Variants in LRP2 observed in about 807,000 individuals in gnomAD.
LRP2 encodes the protein LDL receptor related protein 2.
In LRP2, 172 loss-of-function variants were observed where a neutral mutation model predicts 531.0. That is an observed-to-expected ratio of 0.32 (90% CI 0.29 to 0.37). The LOEUF (loss-of-function observed/expected upper bound fraction) is 0.37. Ranked by LOEUF, LRP2 falls within the 10% of genes least tolerant of loss-of-function variation. The pLI is 1.00. For missense variants in LRP2, 5,167 were observed against 5,868.3 expected (o/e 0.88, Z 3.90); for synonymous variants, 1,992 against 2,027.6 (o/e 0.98, Z 0.47).
intron 35 of LRP2, among the ~76,000 whole-genome samples, chr2:169,214,328 G>T (rs1418464825): frequency 1.3e-5 from 2 of 152,166 alleles, no homozygotes; most frequent in Admixed American, 1.3e-4. Flanking sequence ...GCCAAAAATG[G>T]TGCCATTAAA....
In LRP2 at chr2:169,128,623, A is replaced by C; in HGVS notation, c.*40T>G. The C allele has an allele frequency of 6.3e-7, 1 of 1,585,576 alleles. No individual in the cohort carries two copies. Among genetic ancestry groups the C allele is most frequent in the Non-Finnish European group, 8.7e-7 (1 of 1,154,082 alleles). ...ATCTGTTTGTAAAAAATATATGTGC[A>C]AAAGTGTGTTTCTAATTATTCCCTA... On this transcript the variant is annotated 3_prime_UTR_variant, in exon 79 of 79. Transcript: ENST00000649046.
chr2:169,341,290 G>A (rs1032852743), intron 1 of LRP2, among the ~76,000 whole-genome samples: 5 of 151,992 alleles, frequency 3.3e-5, no homozygotes, highest in Admixed American at 6.6e-5. Flanking sequence ...GATCATACGT[G>A]AGGCAGATTC....
chr2:169,145,300 A>G (rs1357992288), intron 70 of LRP2, among the ~76,000 whole-genome samples: 1 of 152,238 alleles, frequency 6.6e-6, no homozygotes, highest in Non-Finnish European at 1.5e-5. Context: ...AGGAATGCAC[A>G]TGACTGGCCA....
chr2:169,185,601 T>G lies in LRP2; in HGVS notation c.9747A>C (p.Gln3249His). The G allele has an allele frequency of 6.2e-7, 1 of 1,614,182 alleles. No individual in the cohort carries two copies. Among genetic ancestry groups the G allele is most frequent in the Non-Finnish European group, 8.5e-7 (1 of 1,180,010 alleles). The change falls in exon 50 of 79, where the codon CAA (glutamine) becomes CAC (histidine). Residue 3249 changes from glutamine (Q) to histidine (H), a missense_variant. By Grantham distance (24) the Gln-to-His change is conservative. Coordinates refer to ENST00000649046, the MANE Select transcript of LRP2 (RefSeq NM_004525.3). ...TATTCAGAAACATTCTCTCAATGAC[T>G]TGCCTCTGTGTATCAATCCAATACA... Reference protein sequence around the residue: ...KRLYWIDTQRQVIERMFLNKT... With the variant: ...KRLYWIDTQRHVIERMFLNKT...
intron 1 of LRP2, among the ~76,000 whole-genome samples, chr2:169,334,622 A>G (rs1186364963): frequency 6.6e-6 from 1 of 152,182 alleles, no homozygotes; most frequent in Non-Finnish European, 1.5e-5. Flanking sequence ...ATGGCTTTCA[A>G]CTCTGGCAAA....
chr2:169,207,125 G>A lies in LRP2; in HGVS notation c.6595C>T (p.Pro2199Ser), dbSNP rs774834319. 2.5e-6 allele frequency: 4 copies of A among 1,612,226 alleles called. No individual in the cohort carries two copies. Among genetic ancestry groups the A allele is most frequent in the Non-Finnish European group, 3.4e-6 (4 of 1,179,062 alleles). The part of the protein sequence containing the change: ...VDMPRHIVVD[P>S]KNRYLFWADY... Reference sequence around the variant, plus strand: ...GCCCAGAAGAGGTATCTGTTCTTGGGATCTACAACAATATGCCTAGGCATG... The same window carrying A: ...GCCCAGAAGAGGTATCTGTTCTTGGAATCTACAACAATATGCCTAGGCATG... Residue 2199 changes from proline to serine, a missense_variant, in exon 39 of 79, where the codon CCC (proline) becomes TCC (serine). This residue lies in a region of LRP2 where 2,811 missense variants were observed against 3,058.0 expected (regional missense o/e 0.92). Coordinates refer to ENST00000649046, the MANE Select transcript of LRP2 (RefSeq NM_004525.3).
At chr2:169,157,627 C>A in intron 63 of LRP2, 125 bp from the exon 64 acceptor site, 3 of 1,063,588 alleles carry the variant, frequency 2.8e-6, no homozygotes, top group Non-Finnish European at 4.2e-6. Context: ...TTTCCATAAG[C>A]CTTGGAGAGG....
chr2:169,235,491 G>T (rs529329753), intron 29 of LRP2, among the ~76,000 whole-genome samples: 2 of 151,972 alleles, frequency 1.3e-5, no homozygotes, highest in African/African-American at 4.8e-5. Context: ...CACCCACCTC[G>T]GCCTCCCAAA....
chr2:169,233,493 A>T lies in LRP2; in HGVS notation c.5016T>A (p.His1672Gln). The stretch of plus-strand genomic sequence containing the variant: ...ACATTACAACTGACTGGTTCCCTCC[A>T]TGCCACTTGTTGGCTCGCATAACCC... ...TRRVMRANKW[H>Q]GGNQSVVMYN... The change falls in exon 30 of 79, where the codon CAT (histidine) becomes CAA (glutamine). Residue 1672 changes from histidine to glutamine, a missense_variant. Around this residue, in one of 6 missense-constraint regions of LRP2, gnomAD observed 2,811 missense variants for 3,058.0 expected, o/e 0.92. Transcript: ENST00000649046. 2 of 1,614,146 alleles carry T rather than the reference A, an allele frequency of 1.2e-6. No homozygotes were observed. The highest frequency in any genetic ancestry group is 1.6e-4 in the Middle Eastern group (1 of 6,062).
Position 169,173,242 on chromosome 2 carries a change from A to G in LRP2, c.11015-18T>C, listed in dbSNP as rs1376135455. 1 of 1,614,126 alleles carries G rather than the reference A, an allele frequency of 6.2e-7. No homozygotes were observed. Among genetic ancestry groups the G allele is most frequent in the Non-Finnish European group, 8.5e-7 (1 of 1,180,014 alleles). On this transcript the variant is annotated intron_variant, in intron 56 of 78. Coordinates refer to ENST00000649046, the MANE Select transcript of LRP2 (RefSeq NM_004525.3). ...AGAGCTCACTGAAAAGGGAGGAGGC[A>G]TCAAAGTCAGAACTGAAGGTACAAG...
At chr2:169,296,006 T>C (rs769285004) in intron 4 of LRP2, among the ~76,000 whole-genome samples, 4 of 152,146 alleles carry the variant, frequency 2.6e-5, no homozygotes, top group Non-Finnish European at 5.9e-5. Context: ...TATAGAGATA[T>C]AAATATATTG....
At chr2:169,225,792 C>T (rs1689180975) in intron 32 of LRP2, among the ~76,000 whole-genome samples, 1 of 152,126 alleles carries the variant, frequency 6.6e-6, no homozygotes, top group African/African-American at 2.4e-5. Context: ...AAACATGAAA[C>T]ACAAAGATTT....
chr2:169,281,554 A>G (rs780341483), intron 10 of LRP2, among the ~76,000 whole-genome samples: 4 of 152,060 alleles, frequency 2.6e-5, no homozygotes, highest in Non-Finnish European at 5.9e-5. Flanking sequence ...CCCCGTCTCT[A>G]CTAAAAATAC....
At chr2:169,338,031 C>A (rs761194111) in intron 1 of LRP2, among the ~76,000 whole-genome samples, 1 of 151,860 alleles carries the variant, frequency 6.6e-6, no homozygotes, top group South Asian at 2.1e-4. Flanking sequence ...CGCTTGCGCC[C>A]GGGAGTTTGA....
chr2:169,279,980 T>TA (rs1683658108), intron 11 of LRP2, among the ~76,000 whole-genome samples: 1 of 152,220 alleles, frequency 6.6e-6, no homozygotes, highest in South Asian at 2.1e-4. Context: ...AAGATGCAGG[T>TA]AAAAATCTGA....
At chr2:169,277,338 C>G (rs1207515077) in intron 13 of LRP2, among the ~76,000 whole-genome samples, 1 of 152,004 alleles carries the variant, frequency 6.6e-6, no homozygotes, top group Non-Finnish European at 1.5e-5. Context: ...CCAATTAATT[C>G]CCAGTAGGCA....
intron 27 of LRP2, 34 bp downstream of exon 27, chr2:169,238,057 T>G (rs766907663): frequency 1.1e-5 from 17 of 1,583,562 alleles, no homozygotes; most frequent in Non-Finnish European, 1.5e-5. Flanking sequence ...ACAGAGGAAC[T>G]AGCCAGGCCA....
At chr2:169,192,105 G>A in intron 47 of LRP2, 72 bp from the exon 48 acceptor site, 3 of 1,163,186 alleles carry the variant, frequency 2.6e-6, no homozygotes, top group Non-Finnish European at 3.7e-6. Context: ...TTGCTTTAAT[G>A]TTACTTACCA....
intron 37 of LRP2, among the ~76,000 whole-genome samples, chr2:169,210,881 A>T: frequency 6.6e-6 from 1 of 152,360 alleles, no homozygotes; most frequent in East Asian, 1.9e-4. Context: ...ATGTGAATGC[A>T]TATGCATGTA....
Sources: allele counts gnomAD v4.1 joint callset (sites outside exome capture counted in the v4.1 genomes callset), GRCh38; gene constraint gnomAD v4.1.1; regional missense constraint gnomAD v4.1.1; transcripts MANE v1.5; gene names NCBI Gene and HGNC (gene_info 2026-07-23, HGNC 2026-07-21).